PTPRN2: variants seen among roughly 807,000 people sequenced by gnomAD.
PTPRN2 encodes the protein receptor-type tyrosine-protein phosphatase N2.
Under a neutral mutation model 118.8 loss-of-function variants are expected in PTPRN2, and 74 were observed. The observed-to-expected ratio is 0.62, with a 90% CI of 0.52 to 0.76. The LOEUF (loss-of-function observed/expected upper bound fraction) is 0.76. PTPRN2 is among the 30% of genes least tolerant of loss of function. The probability of loss-of-function intolerance (pLI) is 0.00; values close to 1 mark genes in which losing one functional copy is unlikely to be tolerated. For synonymous variants in PTPRN2, 641 were observed against 608.0 expected, an observed-to-expected ratio of 1.05 and a Z score of -0.80; for missense variants, 1,481 against 1,394.4, an observed-to-expected ratio of 1.06 and a Z score of -0.99.
At chr7:158,139,256 G>A (rs1024004770) in intron 6 of PTPRN2, among the ~76,000 whole-genome samples, 10 of 152,200 alleles carry the variant, frequency 6.6e-5, no homozygotes, top group African/African-American at 2.2e-4. Context: ...GTGTGCACCC[G>A]CTGCTCAGCA....
intron 2 of PTPRN2, among the ~76,000 whole-genome samples, chr7:158,423,908 T>C (rs1815474351): frequency 6.6e-6 from 1 of 152,272 alleles, no homozygotes; most frequent in Non-Finnish European, 1.5e-5. Flanking sequence ...CACGGAGTTC[T>C]GCTGTGGTCT....
rs899568750 is a variant in PTPRN2 at position 158,293,748 on chromosome 7, T to G, written c.277+23071A>C. Among the ~76,000 whole-genome samples, 12 of 45,124 alleles carry G rather than the reference T, an allele frequency of 2.7e-4. 1 individual carries two copies. In the Middle Eastern group the frequency reaches 0.035, roughly 131 times the overall value. The allele number at this position is 45,124 out of a possible 152,430, so 29.6% of individuals were successfully genotyped here. A position where few individuals can be genotyped will look rare whatever the true frequency, so the allele number is the denominator to read the frequency against. On this transcript the variant is annotated intron_variant, in intron 3 of 22. Transcript: ENST00000389418. ...TACACTTTTCTTCCACTTTTAAAAC[T>G]TTTTTGTTAAAAAAAAAAAAACTAA...
rs377655730 is a variant in PTPRN2 at position 158,338,253 on chromosome 7, C to A, written c.164-21321G>T. 2.5e-5 allele frequency among the ~76,000 whole-genome samples: 2 copies of A among 78,912 alleles called. 1 individual carries two copies. The highest frequency in any genetic ancestry group is 1.1e-3 in the South Asian group (2 of 1,902). 51.8% of individuals were successfully genotyped at this position (78,912 alleles called of 152,430 possible). On this transcript the variant is annotated intron_variant, in intron 2 of 22. Transcript: ENST00000389418. The stretch of plus-strand genomic sequence containing the variant: ...ATAGCTGTCGTCCGGAGGCGTCACT[C>A]ACACCCACACTCTCACCATAAGCGC...
intron 1 of PTPRN2, among the ~76,000 whole-genome samples, chr7:158,500,018 C>A (rs899830801): frequency 7.1e-6 from 1 of 141,206 alleles, no homozygotes; most frequent in African/African-American, 2.6e-5. Flanking sequence ...ATGATTAGAA[C>A]TCTTACACTT....
At chr7:158,109,916 G>T (rs542412888) in intron 10 of PTPRN2, among the ~76,000 whole-genome samples, 57 of 151,974 alleles carry the variant, frequency 3.8e-4, no homozygotes, top group African/African-American at 1.3e-3. Flanking sequence ...AAGAGTCAGT[G>T]AGTGAATGAC....
rs557559074 is a variant in PTPRN2, at chr7:157,916,535, G to A, written c.1724-17798C>T. Among the ~76,000 whole-genome samples the A allele has an allele frequency of 7.9e-5, 12 of 152,356 alleles. 1 individual carries two copies. The highest frequency in any genetic ancestry group is 5.2e-4 in the Admixed American group (8 of 15,308). The stretch of plus-strand genomic sequence containing the variant: ...GACAGTTCTGGGAGCAGGTGAGTTC[G>A]AGAAGCACCAAGACGCATCATTTGC... On this transcript the variant is annotated intron_variant, in intron 11 of 22. Transcript: ENST00000389418.
chr7:157,642,553 G>A (rs901157946), intron 14 of PTPRN2, among the ~76,000 whole-genome samples: 5 of 152,170 alleles, frequency 3.3e-5, no homozygotes, highest in African/African-American at 7.2e-5. Flanking sequence ...ATGAGTTCCC[G>A]AGCAGCCTGT....
At chr7:158,242,711 TCGTTACA>T (rs1333413208) in intron 3 of PTPRN2, among the ~76,000 whole-genome samples, 1 of 152,220 alleles carries the variant, frequency 6.6e-6, no homozygotes, top group Non-Finnish European at 1.5e-5. Flanking sequence ...ATCTCCTTAC[TCGTTACA>T]GTCTGTTTTT....
Position 157,598,578 on chromosome 7 carries a change from T to A in PTPRN2, c.2419-3263A>T, listed in dbSNP as rs1801484368. Among the ~76,000 whole-genome samples the A allele has an allele frequency of 6.6e-6, 1 of 152,232 alleles. No individual in the cohort carries two copies. The highest frequency in any genetic ancestry group is 2.4e-5 in the African/African-American group (1 of 41,454). On this transcript the variant is annotated intron_variant, in intron 16 of 22. Transcript: ENST00000389418. This position sits in a 1 kb window ranked among gnomAD's most constrained non-coding sequence, Gnocchi z 5.2. ...GAGCTTGGATGATGCGGTTTCTAAGTGTCCTTTAGCTCTGGATTCCAGTGC... is the reference window on the plus strand; with the variant it reads ...GAGCTTGGATGATGCGGTTTCTAAGAGTCCTTTAGCTCTGGATTCCAGTGC...
intron 11 of PTPRN2, among the ~76,000 whole-genome samples, chr7:158,001,661 C>A (rs1291926210): frequency 1.3e-5 from 2 of 152,168 alleles, no homozygotes; most frequent in African/African-American, 4.8e-5. Context: ...TCAGCAGCCT[C>A]AGGACCGCCC....
In PTPRN2 at chr7:158,555,179, C is replaced by T. The variant is rs1376689034; in HGVS notation, c.112+32379G>A. Reference sequence around the variant, plus strand: ...CTCAGCAGACTGATCTACTGCAAATCACCCCCGACGCAACCACCAACTCCG... The same window carrying T: ...CTCAGCAGACTGATCTACTGCAAATTACCCCCGACGCAACCACCAACTCCG... On this transcript the variant is annotated intron_variant, in intron 1 of 22. Transcript: ENST00000389418. The surrounding 1 kb of genome is among the most constrained non-coding windows in gnomAD (Gnocchi z 4.7). Among the ~76,000 whole-genome samples, 7 of 152,182 alleles carry T rather than the reference C, an allele frequency of 4.6e-5. No individual in the cohort carries two copies. Among genetic ancestry groups the T allele is most frequent in the African/African-American group, 1.7e-4 (7 of 41,452 alleles).
intron 3 of PTPRN2, among the ~76,000 whole-genome samples, chr7:158,218,995 C>T (rs1828153770): frequency 6.6e-6 from 1 of 152,064 alleles, no homozygotes; most frequent in South Asian, 2.1e-4. Flanking sequence ...TTTCAATATC[C>T]CATTTGACAG....
intron 12 of PTPRN2, among the ~76,000 whole-genome samples, chr7:157,798,270 T>A (rs765828920): frequency 7.9e-5 from 12 of 152,184 alleles, no homozygotes; most frequent in Non-Finnish European, 1.6e-4. Flanking sequence ...AAAAAATAAA[T>A]AAAAATAAAA....
At chr7:158,058,887 C>T (rs367597000) in intron 11 of PTPRN2, among the ~76,000 whole-genome samples, 18 of 84,368 alleles carry the variant, frequency 2.1e-4, no homozygotes, top group Admixed American at 3.5e-4. Context: ...CAGTGAGACA[C>T]CACTGCAGCC....
chr7:157,652,504 C>T (rs1585176452), intron 14 of PTPRN2, among the ~76,000 whole-genome samples: 1 of 152,250 alleles, frequency 6.6e-6, no homozygotes, highest in Admixed American at 6.5e-5. Flanking sequence ...CTAGACCTGA[C>T]CACCTGCTGT....
In PTPRN2 at chr7:158,015,400, T is replaced by A. The variant is rs548519646; in HGVS notation, c.1723+65898A>T. 1.3e-5 allele frequency among the ~76,000 whole-genome samples: 2 copies of A among 150,248 alleles called. No homozygotes were observed. The highest frequency in any genetic ancestry group is 4.2e-4 in the South Asian group (2 of 4,790). On this transcript the variant is annotated intron_variant, in intron 11 of 22. Coordinates refer to ENST00000389418, the MANE Select transcript of PTPRN2 (RefSeq NM_002847.5). This position sits in a 1 kb window ranked among gnomAD's most constrained non-coding sequence, Gnocchi z 4.2. ...CTCTGAGGTCTTTTTAGTTAATGTG[T>A]GACAAATAGAGAAGAGATGGGGAGA...
intron 12 of PTPRN2, among the ~76,000 whole-genome samples, chr7:157,778,186 C>T (rs887705859): frequency 6.6e-6 from 1 of 152,248 alleles, no homozygotes; most frequent in Non-Finnish European, 1.5e-5. Flanking sequence ...AACTGACCTT[C>T]TCAAAAGCCA....
At chr7:158,386,830 A>G (rs1563067) in intron 2 of PTPRN2, among the ~76,000 whole-genome samples, 138,554 of 152,220 alleles carry the variant, frequency 0.91, 63,082 homozygotes, top group East Asian at 0.93. Context: ...AGCTCTCCAG[A>G]GTTTTAGCAA....
chr7:157,605,943 G>C (rs771231957), intron 15 of PTPRN2, among the ~76,000 whole-genome samples: 3 of 152,228 alleles, frequency 2.0e-5, no homozygotes, highest in Non-Finnish European at 4.4e-5. Flanking sequence ...GCTTCATGGA[G>C]GACCTGCCCC....
Sources: allele counts gnomAD v4.1 joint callset (sites outside exome capture counted in the v4.1 genomes callset), GRCh38; gene constraint gnomAD v4.1.1; non-coding constraint Gnocchi (gnomAD v3.1); transcripts MANE v1.5; gene names NCBI Gene and HGNC (gene_info 2026-07-23, HGNC 2026-07-21).